The following DSN1 variants were observed in gnomAD, a reference collection of about 807,000 sequenced individuals.
The protein encoded by DSN1 is DSN1 component of MIS12 kinetochore complex.
Under a neutral mutation model 45.7 loss-of-function variants are expected in DSN1, and 31 were observed. The observed-to-expected ratio is 0.68, with a 90% CI of 0.51 to 0.92. The LOEUF (loss-of-function observed/expected upper bound fraction) is 0.92. DSN1 is among the 40% of genes least tolerant of loss of function. DSN1 has a pLI of 0.00. For synonymous variants in DSN1, 134 were observed against 142.3 expected, an observed-to-expected ratio of 0.94 and a Z score of 0.41; for missense variants, 394 against 414.2, an observed-to-expected ratio of 0.95 and a Z score of 0.42.
intron 5 of DSN1, 62 bp from the exon 6 acceptor site, chr20:36,762,610 C>A: frequency 1.4e-6 from 2 of 1,470,612 alleles, no homozygotes; most frequent in Admixed American, 3.7e-5. Context: ...TAGTGAGATG[C>A]TGACAAAGGT....
At chr20:36,768,178 T>C (rs1987452335) in intron 3 of DSN1, 136 bp from the exon 4 acceptor site, 1 of 747,988 alleles carries the variant, frequency 1.3e-6, no homozygotes, top group Non-Finnish European at 2.2e-6. Flanking sequence ...GACAGAATTC[T>C]AATTTTTGCA....
rs939898530 is a variant in DSN1 at position 36,752,072 on chromosome 20, T to G, written c.*716A>C. The G allele has an allele frequency of 2.0e-5, 3 of 152,156 alleles. No homozygotes were observed. The highest frequency in any genetic ancestry group is 6.5e-5 in the Admixed American group (1 of 15,272). The allele number at this position is 152,156 out of a possible 1,614,324, so 9.4% of individuals were successfully genotyped here. A position where few individuals can be genotyped will look rare whatever the true frequency, so the allele number is the denominator to read the frequency against. ...TTTTTTTACAATTTTTAATTTTTTT[T>G]AAGACAGTGTCTCACTCTGTCGCTC... is the stretch of plus-strand genomic sequence containing the variant. On this transcript the variant is annotated 3_prime_UTR_variant, in exon 11 of 11. Transcript: ENST00000373750.
chr20:36,770,566 T>TA (rs1987590830), intron 3 of DSN1, among the ~76,000 whole-genome samples: 1 of 152,144 alleles, frequency 6.6e-6, no homozygotes, highest in Non-Finnish European at 1.5e-5. Flanking sequence ...AATAATATAA[T>TA]ATAAGTAGTA....
intron 3 of DSN1, among the ~76,000 whole-genome samples, chr20:36,770,624 T>A (rs1987594385): frequency 6.6e-6 from 1 of 152,174 alleles, no homozygotes; most frequent in Non-Finnish European, 1.5e-5. Flanking sequence ...CTTGGGAGGC[T>A]GAAGTGGGAG....
At chr20:36,765,776 C>T (rs2425279) in intron 5 of DSN1, among the ~76,000 whole-genome samples, 2,331 of 135,796 alleles carry the variant, frequency 0.017, 59 homozygotes, top group African/African-American at 0.061. Context: ...CCAGCCTGGG[C>T]GACAGAGCGA....
At chr20:36,772,724 T>TC (rs1415639750) in intron 1 of DSN1, among the ~76,000 whole-genome samples, 8 of 152,262 alleles carry the variant, frequency 5.3e-5, no homozygotes, top group Non-Finnish European at 1.0e-4. Context: ...TCTTTGCACA[T>TC]ATCTGTCCTT....
chr20:36,768,988 A>G (rs1228092552), intron 3 of DSN1, among the ~76,000 whole-genome samples: 2 of 152,192 alleles, frequency 1.3e-5, no homozygotes, highest in African/African-American at 4.8e-5. Context: ...AATGCTATAT[A>G]CGTATTTCAT....
At chr20:36,753,312 C>G (rs1986475940) in intron 10 of DSN1, among the ~76,000 whole-genome samples, 1 of 151,254 alleles carries the variant, frequency 6.6e-6, no homozygotes, top group South Asian at 2.1e-4. Flanking sequence ...TGTATTCCAC[C>G]CTGGGCAACA....
At chr20:36,772,350 G>A (rs1489416734) in intron 1 of DSN1, among the ~76,000 whole-genome samples, 2 of 150,352 alleles carry the variant, frequency 1.3e-5, no homozygotes, top group African/African-American at 2.5e-5. Flanking sequence ...GTGCAGTGGC[G>A]CAGTCTCGGC....
intron 8 of DSN1, among the ~76,000 whole-genome samples, chr20:36,757,141 A>C (rs1265736749): frequency 1.3e-5 from 2 of 152,258 alleles, no homozygotes; most frequent in East Asian, 3.8e-4. Flanking sequence ...AGATCACTTG[A>C]GGCCAGGAGT....
rs973615612 is a variant in DSN1 at position 36,773,393 on chromosome 20, C to T, written c.-16+269G>A. On this transcript the variant is annotated intron_variant, in intron 1 of 10. Transcript: ENST00000373750. ...ACCCCAGCCCTCTACCCAGTCCTCA[C>T]CCCTGTTTCTGGAGCCTAGACCCCT... 1.0e-5 allele frequency: 10 copies of T among 985,538 alleles called. No individual in the cohort carries two copies. The East Asian group carries it at 1.0e-3, about 101-fold the overall frequency. 61.0% of individuals were successfully genotyped at this position (985,538 alleles called of 1,614,324 possible). A position where few individuals can be genotyped will look rare whatever the true frequency, so the allele number is the denominator to read the frequency against.
rs544545214 is a variant in DSN1 at position 36,752,823 on chromosome 20, C to T, written c.1036G>A (p.Ala346Thr). ...LLKLQLQNPP[A>T]IHGSGSGSCQ The stretch of plus-strand genomic sequence containing the variant: ...GATCCAGATCCAGATCCATGTATGG[C>T]AGGTGGGTTCTGTAGCTGAAGCTTC... Residue 346 changes from alanine to threonine, a missense_variant, in exon 11 of 11, where the codon GCC becomes ACC. Coordinates refer to ENST00000373750, the MANE Select transcript of DSN1 (RefSeq NM_001145315.2). 60 of 1,614,182 alleles carry T rather than the reference C, an allele frequency of 3.7e-5. No individual in the cohort carries two copies. In the South Asian group the frequency reaches 5.5e-4, roughly 15 times the overall value.
intron 5 of DSN1, among the ~76,000 whole-genome samples, chr20:36,763,283 T>C (rs1987103099): frequency 6.6e-6 from 1 of 151,812 alleles, no homozygotes; most frequent in Admixed American, 6.6e-5. Context: ...TACACGCCTG[T>C]AATCCCGGCT....
Position 36,773,757 on chromosome 20 carries a change from G to T in DSN1, c.-111C>A. The T allele has an allele frequency of 1.0e-6, 1 of 985,484 alleles. No individual in the cohort carries two copies. The highest frequency in any genetic ancestry group is 1.2e-6 in the Non-Finnish European group (1 of 829,954). 61.0% of individuals were successfully genotyped at this position (985,484 alleles called of 1,614,324 possible). On this transcript the variant is annotated 5_prime_UTR_variant, in exon 1 of 11. Transcript: ENST00000373750. The stretch of plus-strand genomic sequence containing the variant: ...CGATACTCCCTGATCAGGGTGAAGC[G>T]GTCTCCACCTTCTACGTCACGGTCA...
Position 36,752,900 on chromosome 20 carries a change from G to A in DSN1, c.962-3C>T, listed in dbSNP as rs756800605. 19 of 1,610,078 alleles carry A rather than the reference G, an allele frequency of 1.2e-5. No individual in the cohort carries two copies. The highest frequency in any genetic ancestry group is 1.6e-5 in the Non-Finnish European group (19 of 1,177,278). On this transcript the variant is annotated splice_region_variant and splice_polypyrimidine_tract_variant and intron_variant, in intron 10 of 10. Coordinates refer to ENST00000373750, the MANE Select transcript of DSN1 (RefSeq NM_001145315.2). ...TAATTGTTGCATGCTTCTCTTTCCTGCAGAGAAAAGAGGCCAAAAAATAAA... is the reference window on the plus strand; with the variant it reads ...TAATTGTTGCATGCTTCTCTTTCCTACAGAGAAAAGAGGCCAAAAAATAAA...
At chr20:36,767,140 C>T (rs1987384922) in intron 4 of DSN1, among the ~76,000 whole-genome samples, 1 of 151,812 alleles carries the variant, frequency 6.6e-6, no homozygotes, top group African/African-American at 2.4e-5. Context: ...CCCATCTCTA[C>T]TAAAAATACA....
intron 10 of DSN1, 27 bp from the exon 11 acceptor site, chr20:36,752,924 A>G (rs112496274): frequency 1.5e-5 from 24 of 1,565,392 alleles, no homozygotes; most frequent in African/African-American, 1.2e-4. Flanking sequence ...CCAAAAAATA[A>G]ATTTCAATTG....
intron 10 of DSN1, among the ~76,000 whole-genome samples, chr20:36,753,754 C>T (rs1986511933): frequency 6.6e-6 from 1 of 151,934 alleles, no homozygotes; most frequent in South Asian, 2.1e-4. Context: ...TGCCTGTAAT[C>T]CCAGCACTTT....
At chr20:36,771,366 G>T in intron 2 of DSN1, 59 bp downstream of exon 2, 1 of 1,565,948 alleles carries the variant, frequency 6.4e-7, no homozygotes, top group Non-Finnish European at 8.7e-7. Flanking sequence ...AAAGATTTGG[G>T]TATAGCTCAG....
Sources: allele counts gnomAD v4.1 joint callset (sites outside exome capture counted in the v4.1 genomes callset), GRCh38; gene constraint gnomAD v4.1.1; transcripts MANE v1.5; gene names NCBI Gene and HGNC (gene_info 2026-07-23, HGNC 2026-07-21).